Variants in GALNT10 observed in about 807,000 individuals in gnomAD.
GALNT10 encodes the protein GalNAc transferase 10.
Under a neutral mutation model 75.0 loss-of-function variants are expected in GALNT10, and 41 were observed. The observed-to-expected ratio is 0.55, with a 90% CI of 0.43 to 0.71. The LOEUF is 0.71. Ranked by LOEUF, GALNT10 falls within the 30% of genes least tolerant of loss-of-function variation. GALNT10 has a pLI of 0.00. For synonymous variants in GALNT10, 302 were observed against 313.0 expected (o/e 0.96, Z 0.37); for missense variants, 727 against 818.5 (o/e 0.89, Z 1.36).
chr5:154,293,689 G>A (rs1754233008), intron 1 of GALNT10, among the ~76,000 whole-genome samples: 1 of 149,656 alleles, frequency 6.7e-6, no homozygotes, highest in Admixed American at 6.7e-5. Flanking sequence ...TATTCTCTTT[G>A]GGTCTGGGCC....
intron 1 of GALNT10, among the ~76,000 whole-genome samples, chr5:154,268,939 C>G (rs1265643103): frequency 6.6e-6 from 1 of 151,772 alleles, no homozygotes; most frequent in Non-Finnish European, 1.5e-5. Flanking sequence ...GAGTTCAAGA[C>G]CAGCCTGGGC....
chr5:154,207,190 G>A (rs368516026), intron 1 of GALNT10, among the ~76,000 whole-genome samples: 4 of 152,210 alleles, frequency 2.6e-5, no homozygotes, highest in Non-Finnish European at 4.4e-5. Context: ...TGGGACATGC[G>A]CAATATGCGT....
chr5:154,192,370 C>G (rs1252589487), intron 1 of GALNT10, among the ~76,000 whole-genome samples: 2 of 152,246 alleles, frequency 1.3e-5, no homozygotes, highest in African/African-American at 4.8e-5. Flanking sequence ...TCCTAAACCC[C>G]TGGTTCAAAC....
chr5:154,285,867 C>A (rs980629562), intron 1 of GALNT10, among the ~76,000 whole-genome samples: 1 of 152,134 alleles, frequency 6.6e-6, no homozygotes, highest in Admixed American at 6.5e-5. Context: ...ACCAGACTTT[C>A]CCTGCTTCTC....
At chr5:154,290,691 T>C (rs573370947) in intron 1 of GALNT10, among the ~76,000 whole-genome samples, 1 of 152,086 alleles carries the variant, frequency 6.6e-6, no homozygotes, top group South Asian at 2.1e-4. Context: ...GGTGGGAAAA[T>C]TGAGGTACCT....
intron 8 of GALNT10, among the ~76,000 whole-genome samples, chr5:154,405,405 C>T (rs1042743679): frequency 1.3e-5 from 2 of 152,172 alleles, no homozygotes; most frequent in African/African-American, 4.8e-5. Flanking sequence ...CAGAGCCTAA[C>T]GACGCCCTCA....
At chr5:154,326,410 G>A (rs548086827) in intron 3 of GALNT10, among the ~76,000 whole-genome samples, 1 of 152,170 alleles carries the variant, frequency 6.6e-6, no homozygotes, top group Non-Finnish European at 1.5e-5. Context: ...TGTACCCACA[G>A]AATTGAAAAC....
intron 1 of GALNT10, among the ~76,000 whole-genome samples, chr5:154,288,408 TTGTGTGTGTGTG>T (rs10534031): frequency 2.2e-4 from 27 of 122,616 alleles, no homozygotes; most frequent in Admixed American, 1.5e-3. Flanking sequence ...AAAATTCCAT[TTGTGTGTGTGTG>T]TGTGTGTGTG....
intron 3 of GALNT10, 92 bp from the exon 4 acceptor site, chr5:154,329,480 G>A: frequency 1.1e-6 from 1 of 943,736 alleles, no homozygotes. Context: ...GAGAGGAAGT[G>A]GGGTTTGCAG....
chr5:154,327,572 CATTA>C (rs1181384357), intron 3 of GALNT10, among the ~76,000 whole-genome samples: 1 of 152,206 alleles, frequency 6.6e-6, no homozygotes, highest in Non-Finnish European at 1.5e-5. Flanking sequence ...GATTGAAACA[CATTA>C]ATTATGTTTC....
At chr5:154,365,953 T>C (rs1242771531) in intron 4 of GALNT10, among the ~76,000 whole-genome samples, 1 of 152,216 alleles carries the variant, frequency 6.6e-6, no homozygotes, top group Admixed American at 6.5e-5. Context: ...CTCCATCTCT[T>C]TGCTGTCTCC....
intron 1 of GALNT10, among the ~76,000 whole-genome samples, chr5:154,238,974 T>G (rs888903051): frequency 6.6e-6 from 1 of 152,132 alleles, no homozygotes; most frequent in African/African-American, 2.4e-5. Context: ...AAGCCGAGTC[T>G]CAGGGAGGGG....
intron 1 of GALNT10, among the ~76,000 whole-genome samples, chr5:154,282,250 G>T (rs1754049724): frequency 6.6e-6 from 1 of 152,170 alleles, no homozygotes; most frequent in African/African-American, 2.4e-5. Flanking sequence ...TCAGGGCAGA[G>T]CTCTCATGAG....
chr5:154,310,178 G>C (rs1327587516), intron 3 of GALNT10, among the ~76,000 whole-genome samples: 1 of 152,134 alleles, frequency 6.6e-6, no homozygotes, highest in Non-Finnish European at 1.5e-5. Flanking sequence ...AGACTATTTA[G>C]TACTTATTAG....
intron 8 of GALNT10, among the ~76,000 whole-genome samples, chr5:154,408,075 A>G (rs983609552): frequency 5.9e-5 from 9 of 152,170 alleles, no homozygotes; most frequent in Non-Finnish European, 1.3e-4. Context: ...GATACATGAA[A>G]ATCAAATTTC....
At chr5:154,309,960 A>G (rs1266521692) in intron 3 of GALNT10, among the ~76,000 whole-genome samples, 1 of 152,230 alleles carries the variant, frequency 6.6e-6, no homozygotes, top group East Asian at 1.9e-4. Flanking sequence ...CATAACAGAT[A>G]GTAAGCCTAA....
rs1774844579 is a variant in GALNT10 at position 154,190,823 on chromosome 5, G to C, written c.-44G>C. The C allele has an allele frequency of 9.7e-7, 1 of 1,035,630 alleles. No homozygotes were observed. The highest frequency in any genetic ancestry group is 1.7e-5 in the African/African-American group (1 of 58,234). 64.2% of individuals were successfully genotyped at this position (1,035,630 alleles called of 1,614,324 possible). A position where few individuals can be genotyped will look rare whatever the true frequency, so the allele number is the denominator to read the frequency against. On this transcript the variant is annotated 5_prime_UTR_variant, in exon 1 of 12. Coordinates refer to ENST00000297107, the MANE Select transcript of GALNT10 (RefSeq NM_198321.4). Reference sequence around the variant, plus strand: ...CGGGCGGACGCGCGGAGCTGGGGGCGGCGCGGCGGGGCCGGCGGGGCGCGG... The same window carrying C: ...CGGGCGGACGCGCGGAGCTGGGGGCCGCGCGGCGGGGCCGGCGGGGCGCGG...
At chr5:154,400,847 G>A (rs541397869) in intron 7 of GALNT10, among the ~76,000 whole-genome samples, 3 of 152,260 alleles carry the variant, frequency 2.0e-5, no homozygotes, top group East Asian at 1.9e-4. Flanking sequence ...AGGGCTGCAC[G>A]GGGCTCTTGG....
chr5:154,378,027 G>A (rs1379702874), intron 5 of GALNT10, among the ~76,000 whole-genome samples: 1 of 152,202 alleles, frequency 6.6e-6, no homozygotes, highest in Non-Finnish European at 1.5e-5. Flanking sequence ...TATGAGGGCA[G>A]TTTTCATAAT....
Sources: allele counts gnomAD v4.1 joint callset (sites outside exome capture counted in the v4.1 genomes callset), GRCh38; gene constraint gnomAD v4.1.1; transcripts MANE v1.5; gene names NCBI Gene and HGNC (gene_info 2026-07-23, HGNC 2026-07-21).